Variants in TPST1 observed in about 807,000 individuals in gnomAD.
TPST1 encodes the protein protein-tyrosine sulfotransferase 1.
Under a neutral mutation model 34.8 loss-of-function variants are expected in TPST1, and 20 were observed. The observed-to-expected ratio is 0.57, with a 90% CI of 0.40 to 0.84. The LOEUF is 0.84. Ranked by LOEUF, TPST1 falls within the 40% of genes least tolerant of loss-of-function variation. The pLI is 0.00. For missense variants in TPST1, 353 were observed against 455.5 expected (o/e 0.78, Z 2.05); for synonymous variants, 152 against 159.4 (o/e 0.95, Z 0.35).
chr7:66,296,806 G>A (rs1791211196), intron 3 of TPST1, among the ~76,000 whole-genome samples: 1 of 149,386 alleles, frequency 6.7e-6, no homozygotes, highest in Non-Finnish European at 1.5e-5. Context: ...GACTCACATA[G>A]TAAATTGGTA....
intron 3 of TPST1, among the ~76,000 whole-genome samples, chr7:66,345,205 C>T (rs6460293): frequency 1.3e-5 from 2 of 151,132 alleles, no homozygotes; most frequent in Non-Finnish European, 3.0e-5. Flanking sequence ...CAAGCAAGAT[C>T]AATACCAAAT....
intron 3 of TPST1, among the ~76,000 whole-genome samples, chr7:66,300,719 A>G (rs10246556): frequency 0.9 from 136,471 of 152,174 alleles, 61,369 homozygotes; most frequent in African/African-American, 0.94. Context: ...GCCAAGGTGG[A>G]TGGATCACCT....
intron 2 of TPST1, among the ~76,000 whole-genome samples, chr7:66,245,131 C>CT (rs1465811824): frequency 6.6e-6 from 1 of 152,072 alleles, no homozygotes; most frequent in Non-Finnish European, 1.5e-5. Context: ...TCATAACTTT[C>CT]TTTTTAATAT....
upstream of TPST1, among the ~76,000 whole-genome samples, chr7:66,203,772 A>G (rs1427039519): frequency 2.6e-5 from 4 of 152,116 alleles, no homozygotes. Flanking sequence ...GGCGTGAGCC[A>G]CTGCACCCGG....
At chr7:66,203,200 C>T (rs1394777735), upstream of TPST1, among the ~76,000 whole-genome samples, 2 of 151,514 alleles carry the variant, frequency 1.3e-5, no homozygotes, top group Non-Finnish European at 2.9e-5. Context: ...CACACATATA[C>T]ACACAAACAC....
intron 1 of TPST1, among the ~76,000 whole-genome samples, chr7:66,229,332 G>A (rs891604868): frequency 4.6e-5 from 7 of 152,070 alleles, no homozygotes; most frequent in South Asian, 2.1e-4. Context: ...GGATGGTCTC[G>A]ATCTCCTGAC....
chr7:66,335,435 A>G (rs532699553), intron 3 of TPST1, among the ~76,000 whole-genome samples: 55 of 152,166 alleles, frequency 3.6e-4, no homozygotes, highest in African/African-American at 1.3e-3. Context: ...AGCCTGGGCA[A>G]CAGAGCAAAA....
rs190264042 is a variant in TPST1, at chr7:66,208,445, A to G, written c.-102+2923A>G. On this transcript the variant is annotated intron_variant, in intron 1 of 5. Coordinates refer to ENST00000304842, the MANE Select transcript of TPST1 (RefSeq NM_003596.4). ...TCCACAGCACCCTGTACATACTTCCATCTCCATTTTTACCACTTATACCAT... is the reference window on the plus strand; with the variant it reads ...TCCACAGCACCCTGTACATACTTCCGTCTCCATTTTTACCACTTATACCAT... Among the ~76,000 whole-genome samples the G allele has an allele frequency of 2.2e-3, 326 of 150,226 alleles. 3 individuals carry two copies. Among genetic ancestry groups the G allele is most frequent in the African/African-American group, 7.8e-3 (319 of 41,084 alleles).
rs1790004755 is a variant in TPST1 at position 66,240,433 on chromosome 7, G to C, written c.8G>C (p.Gly3Ala). Residue 3 changes from glycine to alanine, a missense_variant, in exon 2 of 6, where the codon GGA (glycine) becomes GCA (alanine). Gly to Ala is a moderately conservative substitution (Grantham distance 60). Coordinates refer to ENST00000304842, the MANE Select transcript of TPST1 (RefSeq NM_003596.4). ...CAAGATAACCACATCAAGATGGTTG[G>C]AAAGCTGAAGCAGAACTTACTATTG... MV[G>A]KLKQNLLLAC... 6.2e-7 allele frequency: 1 copy of C among 1,613,136 alleles called. No individual in the cohort carries two copies. Among genetic ancestry groups the C allele is most frequent in the Non-Finnish European group, 8.5e-7 (1 of 1,179,404 alleles).
At chr7:66,211,004 C>CACT (rs1288678790) in intron 1 of TPST1, among the ~76,000 whole-genome samples, 3 of 152,142 alleles carry the variant, frequency 2.0e-5, no homozygotes, top group African/African-American at 7.2e-5. Context: ...CACACACACA[C>CACT]ACACCAGGAT....
At chr7:66,223,979 A>C (rs551917899) in intron 1 of TPST1, among the ~76,000 whole-genome samples, 1 of 152,120 alleles carries the variant, frequency 6.6e-6, no homozygotes, top group Non-Finnish European at 1.5e-5. Context: ...AGTTCTTGGT[A>C]TGGGTTTTTT....
At chr7:66,276,046 C>T (rs1002388218) in intron 2 of TPST1, among the ~76,000 whole-genome samples, 5 of 151,168 alleles carry the variant, frequency 3.3e-5, no homozygotes, top group Non-Finnish European at 5.9e-5. Flanking sequence ...TAATTTTCTT[C>T]TCCTATAGGT....
At chr7:66,293,205 C>G (rs77052967) in intron 3 of TPST1, among the ~76,000 whole-genome samples, 1 of 132,112 alleles carries the variant, frequency 7.6e-6, no homozygotes, top group African/African-American at 2.8e-5. Context: ...GACTCCATCT[C>G]AAAAAAAAAA....
rs546339747 is a variant in TPST1 at position 66,227,028 on chromosome 7, C to CTTTTTTTTTTTTTTTTTTTTTTT, written c.-101-13296_-101-13274dup. On this transcript the variant is annotated intron_variant, in intron 1 of 5. Coordinates refer to ENST00000304842, the MANE Select transcript of TPST1 (RefSeq NM_003596.4). Reference sequence around the variant, plus strand: ...TTGGTGTTGGATGCCTTAAAATAAGCTTTTTTTTTTTTTTTTTTTTTTTGA... The same window carrying CTTTTTTTTTTTTTTTTTTTTTTT: ...TTGGTGTTGGATGCCTTAAAATAAGCTTTTTTTTTTTTTTTTTTTTTTTTTTTTTTTTTTTTTTTTTTTTTTGA... Among the ~76,000 whole-genome samples, 5 of 69,206 alleles carry CTTTTTTTTTTTTTTTTTTTTTTT rather than the reference C, an allele frequency of 7.2e-5. 1 individual carries two copies. The highest frequency in any genetic ancestry group is 2.7e-4 in the African/African-American group (4 of 14,898). The allele number at this position is 69,206 out of a possible 152,430, so 45.4% of individuals were successfully genotyped here. A position where few individuals can be genotyped will look rare whatever the true frequency, so the allele number is the denominator to read the frequency against.
At chr7:66,230,002 T>C (rs1789743189) in intron 1 of TPST1, among the ~76,000 whole-genome samples, 1 of 152,016 alleles carries the variant, frequency 6.6e-6, no homozygotes, top group African/African-American at 2.4e-5. Flanking sequence ...TCCTGGCCAA[T>C]ATTGTAAAAC....
At chr7:66,255,145 C>CAAAA (rs35033344) in intron 2 of TPST1, among the ~76,000 whole-genome samples, 1 of 78,512 alleles carries the variant, frequency 1.3e-5, no homozygotes, top group Non-Finnish European at 2.8e-5. Flanking sequence ...GACAACGTCT[C>CAAAA]AAAAAAAAAA....
At position 66,217,634 on chromosome 7, in the gene TPST1, C is replaced by T. The variant is rs186934254; in HGVS notation, c.-102+12112C>T. ...TGTTTGAGATGGAGTCTTGCTCTGT[C>T]GCCCAGGCTGGAGTGCACTGGTGTG... On this transcript the variant is annotated intron_variant, in intron 1 of 5. Transcript: ENST00000304842. Among the ~76,000 whole-genome samples the T allele has an allele frequency of 2.1e-3, 327 of 152,246 alleles. 2 individuals carry two copies. Among genetic ancestry groups the T allele is most frequent in the African/African-American group, 7.7e-3 (319 of 41,548 alleles).
chr7:66,223,874 C>T (rs188793253), intron 1 of TPST1, among the ~76,000 whole-genome samples: 3 of 152,146 alleles, frequency 2.0e-5, no homozygotes, highest in African/African-American at 7.2e-5. Flanking sequence ...GAAGCAAAGC[C>T]GAGACATCAT....
intron 4 of TPST1, 96 bp downstream of exon 4, chr7:66,352,651 C>A: frequency 6.4e-7 from 1 of 1,555,996 alleles, no homozygotes; most frequent in Non-Finnish European, 8.6e-7. Flanking sequence ...AAGACAGAAA[C>A]AAGAAAACCA....
Sources: allele counts gnomAD v4.1 joint callset (sites outside exome capture counted in the v4.1 genomes callset), GRCh38; gene constraint gnomAD v4.1.1; transcripts MANE v1.5; gene names NCBI Gene and HGNC (gene_info 2026-07-23, HGNC 2026-07-21).